Variants in FBXL7 observed in about 807,000 individuals in gnomAD.
FBXL7 encodes the protein F-box/LRR-repeat protein 7.
In FBXL7, 12 loss-of-function variants were observed where a neutral mutation model predicts 38.3. That is an observed-to-expected ratio of 0.31 (90% CI 0.20 to 0.51). The LOEUF is 0.51. Ranked by LOEUF, FBXL7 falls within the 20% of genes least tolerant of loss-of-function variation. The pLI is 0.98. For synonymous variants in FBXL7, 297 were observed against 300.9 expected, an observed-to-expected ratio of 0.99 and a Z score of 0.13; for missense variants, 567 against 676.4, an observed-to-expected ratio of 0.84 and a Z score of 1.79.
At chr5:15,862,541 T>C (rs1739521917) in intron 2 of FBXL7, among the ~76,000 whole-genome samples, 1 of 152,210 alleles carries the variant, frequency 6.6e-6, no homozygotes, top group Admixed American at 6.5e-5. Flanking sequence ...TTATTCTCAA[T>C]TAACAAATTA....
chr5:15,570,399 T>C (rs1738735827), intron 1 of FBXL7, among the ~76,000 whole-genome samples: 1 of 152,260 alleles, frequency 6.6e-6, no homozygotes, highest in Non-Finnish European at 1.5e-5. Flanking sequence ...TAGTATTCTC[T>C]GATCGTAGTT....
At chr5:15,802,857 T>C (rs911307478) in intron 2 of FBXL7, among the ~76,000 whole-genome samples, 5 of 152,278 alleles carry the variant, frequency 3.3e-5, no homozygotes, top group African/African-American at 1.2e-4. Context: ...TTCACCATGT[T>C]GGCCAGGCTG....
intron 2 of FBXL7, among the ~76,000 whole-genome samples, chr5:15,796,314 T>C (rs1158153462): frequency 1.3e-5 from 2 of 152,110 alleles, no homozygotes; most frequent in Non-Finnish European, 2.9e-5. Flanking sequence ...GCCAAATCTG[T>C]CCTTTCCCTA....
chr5:15,715,440 G>A (rs1326310952), intron 2 of FBXL7, among the ~76,000 whole-genome samples: 1 of 144,966 alleles, frequency 6.9e-6, no homozygotes, highest in African/African-American at 2.6e-5. Context: ...GCAGTGGGCC[G>A]AGATTGCGCC....
chr5:15,928,586 C>T lies in FBXL7; in HGVS notation c.739+85C>T, dbSNP rs1741958026. The stretch of plus-strand genomic sequence containing the variant: ...GGGACAGTGCCACCACCGGAGGGTC[C>T]TCTTCTTGCAAGCCATCAGAGATGG... On this transcript the variant is annotated intron_variant, in intron 3 of 3. Transcript: ENST00000504595. This position sits in a 1 kb window ranked among gnomAD's most constrained non-coding sequence, Gnocchi z 4.0. 1 of 1,499,310 alleles carries T rather than the reference C, an allele frequency of 6.7e-7. No individual in the cohort carries two copies. The highest frequency in any genetic ancestry group is 8.9e-7 in the Non-Finnish European group (1 of 1,122,748). The allele number at this position is 1,499,310 out of a possible 1,614,324, so 92.9% of individuals were successfully genotyped here. A position where few individuals can be genotyped will look rare whatever the true frequency, so the allele number is the denominator to read the frequency against.
chr5:15,629,758 A>T (rs1311127999), intron 2 of FBXL7, among the ~76,000 whole-genome samples: 1 of 152,160 alleles, frequency 6.6e-6, no homozygotes. Context: ...CATTTAATAC[A>T]CATTTGATAA....
intron 2 of FBXL7, among the ~76,000 whole-genome samples, chr5:15,821,320 T>G (rs912140448): frequency 2.6e-5 from 4 of 152,236 alleles, no homozygotes; most frequent in African/African-American, 9.6e-5. Context: ...TTGTGAAGAT[T>G]TCTTTTTAAT....
intron 1 of FBXL7, among the ~76,000 whole-genome samples, chr5:15,549,038 T>C (rs747442003): frequency 6.6e-6 from 1 of 152,108 alleles, no homozygotes; most frequent in South Asian, 2.1e-4. Flanking sequence ...GGGCAAAATA[T>C]GGGGGAGGCT....
chr5:15,819,193 A>T (rs2126762232), intron 2 of FBXL7, among the ~76,000 whole-genome samples: 1 of 152,324 alleles, frequency 6.6e-6, no homozygotes, highest in South Asian at 2.1e-4. Context: ...GAAAATAGCC[A>T]GAGACTATAG....
chr5:15,807,017 T>A (rs942287289), intron 2 of FBXL7, among the ~76,000 whole-genome samples: 2 of 152,098 alleles, frequency 1.3e-5, no homozygotes, highest in African/African-American at 4.8e-5. Flanking sequence ...AATGGCACAA[T>A]CTCAGCTTAC....
intron 2 of FBXL7, among the ~76,000 whole-genome samples, chr5:15,626,522 G>A (rs1740823183): frequency 6.8e-6 from 1 of 147,596 alleles, no homozygotes; most frequent in African/African-American, 2.5e-5. Flanking sequence ...TCATATGATA[G>A]TCTTAGAAGA....
chr5:15,769,362 G>A (rs1224745054), intron 2 of FBXL7, among the ~76,000 whole-genome samples: 1 of 152,194 alleles, frequency 6.6e-6, no homozygotes, highest in East Asian at 1.9e-4. Flanking sequence ...TTGTGGGCAG[G>A]AAAATCCTCC....
At chr5:15,613,429 G>A (rs1161757677) in intron 1 of FBXL7, among the ~76,000 whole-genome samples, 2 of 152,206 alleles carry the variant, frequency 1.3e-5, no homozygotes, top group African/African-American at 4.8e-5. Flanking sequence ...GGCCACAAAG[G>A]CTGGTTAGGC....
At chr5:15,516,796 C>G (rs1277678603) in intron 1 of FBXL7, among the ~76,000 whole-genome samples, 1 of 152,062 alleles carries the variant, frequency 6.6e-6, no homozygotes, top group Non-Finnish European at 1.5e-5. Flanking sequence ...AGCTCTTCCC[C>G]CTTTTGGTCG....
At chr5:15,630,586 G>A (rs1031543864) in intron 2 of FBXL7, among the ~76,000 whole-genome samples, 1 of 151,594 alleles carries the variant, frequency 6.6e-6, no homozygotes, top group Admixed American at 6.6e-5. Context: ...TTACTTTTTA[G>A]TATTATCCTA....
At chr5:15,559,332 G>T (rs1738342827) in intron 1 of FBXL7, among the ~76,000 whole-genome samples, 1 of 152,156 alleles carries the variant, frequency 6.6e-6, no homozygotes, top group Non-Finnish European at 1.5e-5. Context: ...GAGTCATGGA[G>T]CTCACAATGA....
At chr5:15,786,381 T>G (rs1337743274) in intron 2 of FBXL7, among the ~76,000 whole-genome samples, 1 of 151,356 alleles carries the variant, frequency 6.6e-6, no homozygotes, top group African/African-American at 2.4e-5. Flanking sequence ...GGTCTACCAC[T>G]GCCTGGATTT....
chr5:15,647,197 A>G (rs1741558761), intron 2 of FBXL7, among the ~76,000 whole-genome samples: 1 of 152,258 alleles, frequency 6.6e-6, no homozygotes. Context: ...CTTGTAAAGA[A>G]ATATCATTAA....
chr5:15,872,173 C>A (rs564541756), intron 2 of FBXL7, among the ~76,000 whole-genome samples: 16 of 152,268 alleles, frequency 1.1e-4, no homozygotes, highest in African/African-American at 3.4e-4. Flanking sequence ...ATTTCATATC[C>A]AGCCAAACAG....
Sources: gnomAD v4.1 joint callset for allele counts (sites outside exome capture counted in the v4.1 genomes callset) on GRCh38, gnomAD v4.1.1 for gene constraint, Gnocchi (gnomAD v3.1) non-coding constraint, MANE v1.5 for transcripts, NCBI Gene and HGNC (gene_info 2026-07-23, HGNC 2026-07-21) for gene names.